Variants in MYL12B observed in about 807,000 individuals in gnomAD.
MYL12B encodes the protein myosin light chain 12B.
A neutral mutation model predicts 12.9 loss-of-function variants in MYL12B; 3 were observed. That is an observed-to-expected ratio of 0.23 (90% CI 0.11 to 0.60). The LOEUF is 0.60. Ranked by LOEUF, MYL12B falls within the 20% of genes least tolerant of loss-of-function variation. The probability of loss-of-function intolerance (pLI) is 0.89; values close to 1 mark genes in which losing one functional copy is unlikely to be tolerated. For missense variants in MYL12B, 120 were observed against 215.4 expected (o/e 0.56, Z 2.77); for synonymous variants, 57 against 71.9 (o/e 0.79, Z 1.05).
Position 3,277,816 on chromosome 18 carries a change from G to A in MYL12B, c.398G>A (p.Arg133Gln), listed in dbSNP as rs746706309. ...LRELLTTMGDRFTDEEVDELY... is the reference protein window; with the variant it reads ...LRELLTTMGDQFTDEEVDELY... ...GAGCTGCTGACAACCATGGGGGATC[G>A]GTTTACAGATGAGGAAGTGGATGAG... The change falls in exon 4 of 4, where the codon CGG becomes CAG. Residue 133 changes from arginine to glutamine, a missense_variant. Physicochemically the swap from Arg to Gln is conservative, Grantham distance 43. Transcript: ENST00000237500. 8 of 1,613,750 alleles carry A rather than the reference G, an allele frequency of 5.0e-6. No individual in the cohort carries two copies. The highest frequency in any genetic ancestry group is 1.7e-4 in the Middle Eastern group (1 of 6,058).
In MYL12B at chr18:3,278,444, CTAGT is replaced by C. The variant is rs1480082885; in HGVS notation, c.*510_*513del. ...CTTTAACATTATTATGCAGTAAAAA[CTAGT>C]TATGCCATTGTTTTTCACGCTTCTA... On this transcript the variant is annotated 3_prime_UTR_variant, in exon 4 of 4. Transcript: ENST00000237500. Among the ~76,000 whole-genome samples the C allele has an allele frequency of 6.7e-5, 4 of 59,288 alleles. No individual in the cohort carries two copies. The highest frequency in any genetic ancestry group is 7.5e-4 in the South Asian group (1 of 1,330). The allele number at this position is 59,288 out of a possible 152,430, so 38.9% of individuals were successfully genotyped here.
intron 2 of MYL12B, chr18:3,276,416 G>C: frequency 2.4e-5 from 24 of 984,636 alleles, no homozygotes; most frequent in Non-Finnish European, 2.7e-5. Flanking sequence ...CCTAGGGAAA[G>C]GTCAGGGGAG....
intron 1 of MYL12B, among the ~76,000 whole-genome samples, chr18:3,267,875 C>G (rs773782169): frequency 3.9e-5 from 6 of 152,192 alleles, no homozygotes; most frequent in Non-Finnish European, 8.8e-5. Context: ...TATAAAATGG[C>G]ATAGTATTTG....
chr18:3,267,701 A>T (rs969014014), intron 1 of MYL12B, among the ~76,000 whole-genome samples: 6 of 149,322 alleles, frequency 4.0e-5, no homozygotes, highest in African/African-American at 1.5e-4. Context: ...GTTCTATTTT[A>T]TTATTGTTAA....
At chr18:3,272,206 A>G (rs150802652) in intron 1 of MYL12B, 43 of 805,144 alleles carry the variant, frequency 5.3e-5, no homozygotes, top group Non-Finnish European at 5.6e-5. Context: ...TGTTATCTCA[A>G]TTAGTTCTTT....
intron 1 of MYL12B, 196 bp downstream of exon 1, chr18:3,262,433 G>C (rs5003559): frequency 9.5e-4 from 32 of 33,788 alleles, no homozygotes; most frequent in Admixed American, 3.9e-3. Flanking sequence ...AGGAGGGTTG[G>C]TGGCGAGGCC....
At chr18:3,266,732 G>GTT (rs528607269) in intron 1 of MYL12B, among the ~76,000 whole-genome samples, 1 of 152,068 alleles carries the variant, frequency 6.6e-6, no homozygotes, top group East Asian at 1.9e-4. Context: ...AAAATGTTCA[G>GTT]TTTTTTTTAA....
At chr18:3,276,263 C>T (rs1402946669) in intron 2 of MYL12B, 1 of 163,762 alleles carries the variant, frequency 6.1e-6, no homozygotes, top group Non-Finnish European at 1.2e-5. Context: ...CTGCCACTTC[C>T]TCCTATATCA....
At chr18:3,265,404 A>T (rs940938122) in intron 1 of MYL12B, among the ~76,000 whole-genome samples, 26 of 152,310 alleles carry the variant, frequency 1.7e-4, no homozygotes, top group Middle Eastern at 3.4e-3. Context: ...ATTTCTAAAG[A>T]TTCTGATAGA....
intron 3 of MYL12B, 46 bp from the exon 4 acceptor site, chr18:3,277,719 G>T (rs373885761): frequency 6.4e-7 from 1 of 1,571,068 alleles, no homozygotes; most frequent in African/African-American, 1.4e-5. Flanking sequence ...CCATCAAAGT[G>T]CCAGGAAGTA....
At chr18:3,263,990 TGTC>T (rs1379130141) in intron 1 of MYL12B, among the ~76,000 whole-genome samples, 1 of 152,186 alleles carries the variant, frequency 6.6e-6, no homozygotes, top group Non-Finnish European at 1.5e-5. Context: ...TATGATGAGT[TGTC>T]GTGAGGATTA....
chr18:3,271,227 C>T (rs1436172486), intron 1 of MYL12B, among the ~76,000 whole-genome samples: 1 of 151,992 alleles, frequency 6.6e-6, no homozygotes, highest in Admixed American at 6.5e-5. Context: ...ATTTAACCTT[C>T]GATATAACTA....
chr18:3,263,488 G>A (rs191820142), intron 1 of MYL12B, among the ~76,000 whole-genome samples: 96 of 152,328 alleles, frequency 6.3e-4, no homozygotes, highest in East Asian at 5.0e-3. Flanking sequence ...GCTCTTTTGA[G>A]TGAAACAGCT....
At chr18:3,268,981 A>G (rs991238325) in intron 1 of MYL12B, among the ~76,000 whole-genome samples, 2 of 152,194 alleles carry the variant, frequency 1.3e-5, no homozygotes, top group Non-Finnish European at 2.9e-5. Flanking sequence ...TTCCTAAGGC[A>G]GAGAAGTAGA....
intron 1 of MYL12B, chr18:3,271,941 A>G: frequency 1.5e-5 from 6 of 405,992 alleles, no homozygotes; most frequent in Non-Finnish European, 2.0e-5. Flanking sequence ...ACGGTGGCTC[A>G]TGTCTGTAAT....
At chr18:3,273,761 G>A (rs1223361819) in intron 2 of MYL12B, among the ~76,000 whole-genome samples, 1 of 152,096 alleles carries the variant, frequency 6.6e-6, no homozygotes. Flanking sequence ...GAGGCAGGCT[G>A]GGAGTGGGTC....
chr18:3,264,420 A>G (rs2081620869), intron 1 of MYL12B, among the ~76,000 whole-genome samples: 1 of 152,170 alleles, frequency 6.6e-6, no homozygotes, highest in African/African-American at 2.4e-5. Flanking sequence ...AAGAATGAAT[A>G]TGGCCAGGCA....
chr18:3,276,611 C>T (rs1452285341), intron 2 of MYL12B: 2 of 950,452 alleles, frequency 2.1e-6, no homozygotes, highest in Admixed American at 1.2e-4. Flanking sequence ...CTTAAATGGC[C>T]AACTTATAAA....
chr18:3,267,362 C>T (rs2081642117), intron 1 of MYL12B, among the ~76,000 whole-genome samples: 2 of 152,188 alleles, frequency 1.3e-5, no homozygotes, highest in South Asian at 2.1e-4. Flanking sequence ...GCATCTTCCC[C>T]AAGCTTTGAT....
Sources: gnomAD v4.1 joint callset for allele counts (sites outside exome capture counted in the v4.1 genomes callset) on GRCh38, gnomAD v4.1.1 for gene constraint, MANE v1.5 for transcripts, NCBI Gene and HGNC (gene_info 2026-07-23, HGNC 2026-07-21) for gene names.